The following MAST2 variants were observed in gnomAD, a reference collection of about 807,000 sequenced individuals.
MAST2 encodes microtubule-associated serine/threonine-protein kinase 2.
MAST2 carries 70 observed loss-of-function variants against 147.4 expected under a neutral mutation model. The ratio of observed to expected loss-of-function variants is 0.47; its 90% CI spans 0.39 to 0.58. The LOEUF is 0.58. MAST2 is among the 20% of genes least tolerant of loss of function. The pLI is 0.00. For synonymous variants in MAST2, 869 were observed against 896.8 expected (o/e 0.97, Z 0.55); for missense variants, 2,080 against 2,302.3 (o/e 0.90, Z 1.98).
chr1:45,866,074 T>C (rs1394116507), intron 3 of MAST2, among the ~76,000 whole-genome samples: 1 of 152,228 alleles, frequency 6.6e-6, no homozygotes, highest in Non-Finnish European at 1.5e-5. Flanking sequence ...TTAACATTAT[T>C]TTAGTTTCTT....
chr1:45,953,252 A>G (rs541474653), intron 4 of MAST2, among the ~76,000 whole-genome samples: 177 of 152,278 alleles, frequency 1.2e-3, no homozygotes, highest in Non-Finnish European at 2.0e-3. Flanking sequence ...TGATTAATTC[A>G]AGGAGAGTTG....
chr1:45,927,672 A>C (rs1654616172), intron 4 of MAST2, among the ~76,000 whole-genome samples: 1 of 152,124 alleles, frequency 6.6e-6, no homozygotes, highest in African/African-American at 2.4e-5. Flanking sequence ...GCTCAAACAC[A>C]TGCTGTATAA....
At chr1:45,836,548 A>G (rs1231680768) in intron 3 of MAST2, among the ~76,000 whole-genome samples, 1 of 152,114 alleles carries the variant, frequency 6.6e-6, no homozygotes. Context: ...AAACCCATAG[A>G]CGTTTGTTTT....
chr1:45,872,843 A>G (rs1470980381), intron 3 of MAST2, among the ~76,000 whole-genome samples: 2 of 152,194 alleles, frequency 1.3e-5, no homozygotes, highest in Admixed American at 6.5e-5. Context: ...GGACAATGAA[A>G]GAGAGTGACT....
chr1:45,939,985 T>TTTTTTTTG (rs1656955094), intron 4 of MAST2, among the ~76,000 whole-genome samples: 3 of 127,914 alleles, frequency 2.3e-5, no homozygotes, highest in Non-Finnish European at 4.9e-5. Context: ...TTAGGGTTTT[T>TTTTTTTTG]TTTTTTTTTT....
intron 4 of MAST2, among the ~76,000 whole-genome samples, chr1:45,913,082 G>A (rs894398709): frequency 6.6e-6 from 1 of 152,098 alleles, no homozygotes; most frequent in Non-Finnish European, 1.5e-5. Flanking sequence ...CTTTCCTTAT[G>A]GCTTTTCTTA....
intron 4 of MAST2, among the ~76,000 whole-genome samples, chr1:45,929,391 AGTT>A (rs1467115188): frequency 1.3e-5 from 2 of 151,110 alleles, no homozygotes; most frequent in Non-Finnish European, 2.9e-5. Context: ...GCAGGGGGGG[AGTT>A]GTTGGTGGTG....
At chr1:45,805,527 C>T (rs1036108037) in intron 1 of MAST2, among the ~76,000 whole-genome samples, 1 of 152,190 alleles carries the variant, frequency 6.6e-6, no homozygotes, top group African/African-American at 2.4e-5. Flanking sequence ...ACATTCTCTG[C>T]AGTATCATCT....
chr1:45,848,739 A>G (rs865878595), intron 3 of MAST2, among the ~76,000 whole-genome samples: 2 of 152,312 alleles, frequency 1.3e-5, no homozygotes, highest in South Asian at 4.1e-4. Flanking sequence ...CGGAGTAATC[A>G]GGCAAGAGAA....
chr1:45,971,970 C>G (rs1643929897), intron 5 of MAST2, among the ~76,000 whole-genome samples: 1 of 152,102 alleles, frequency 6.6e-6, no homozygotes, highest in Non-Finnish European at 1.5e-5. Context: ...CATGAGTATT[C>G]TGGAACTAAG....
intron 4 of MAST2, among the ~76,000 whole-genome samples, chr1:45,919,311 C>T (rs1283353547): frequency 1.3e-5 from 2 of 150,802 alleles, no homozygotes; most frequent in Non-Finnish European, 2.9e-5. Flanking sequence ...GAGGTTGGGG[C>T]GATAGTGAGG....
At chr1:46,000,867 A>G (rs966795900) in intron 6 of MAST2, 1 of 879,396 alleles carries the variant, frequency 1.1e-6, no homozygotes, top group Non-Finnish European at 1.6e-6. Context: ...AACAGAAGGA[A>G]TGTGCCAAGC....
At position 46,010,786 on chromosome 1, in the gene MAST2, C is replaced by G. The variant is rs1050095400; in HGVS notation, c.1035C>G (p.Asp345Glu). ...AGTTTATTTCCTCCAACACTCCAGACAGCGTGCTGCCCTTGGCAGATGGAG... is the reference window on the plus strand; with the variant it reads ...AGTTTATTTCCTCCAACACTCCAGAGAGCGTGCTGCCCTTGGCAGATGGAG... ...LAEFISSNTP[D>E]SVLPLADGAL... Residue 345 changes from aspartate (D) to glutamate (E), a missense_variant, in exon 10 of 29, where the codon GAC (aspartate) becomes GAG (glutamate). Asp to Glu is a conservative substitution (Grantham distance 45, BLOSUM62 2). Around this residue, in one of 4 missense-constraint regions of MAST2, gnomAD observed 569 missense variants for 642.5 expected, o/e 0.89. Coordinates refer to ENST00000361297, the MANE Select transcript of MAST2 (RefSeq NM_015112.3). The G allele has an allele frequency of 1.2e-6, 2 of 1,614,088 alleles. No homozygotes were observed. The highest frequency in any genetic ancestry group is 1.7e-5 in the Admixed American group (1 of 60,008).
intron 5 of MAST2, among the ~76,000 whole-genome samples, chr1:45,988,758 T>A (rs564277386): frequency 1.2e-4 from 18 of 152,376 alleles, no homozygotes; most frequent in Admixed American, 3.9e-4. Flanking sequence ...TGTTCCGTTT[T>A]GGCCATCAAG....
chr1:46,000,877 C>A, intron 6 of MAST2: 1 of 1,056,838 alleles, frequency 9.5e-7, no homozygotes, highest in Non-Finnish European at 1.3e-6. Context: ...ATGTGCCAAG[C>A]TAGACCAAAT....
chr1:45,969,376 G>A (rs1052532516), intron 5 of MAST2, among the ~76,000 whole-genome samples: 1 of 152,164 alleles, frequency 6.6e-6, no homozygotes, highest in African/African-American at 2.4e-5. Context: ...CCTGGGCCAC[G>A]GACCGGTACT....
chr1:45,880,216 A>G (rs1334608094), intron 3 of MAST2, among the ~76,000 whole-genome samples: 4 of 152,338 alleles, frequency 2.6e-5, no homozygotes, highest in Middle Eastern at 3.4e-3. Context: ...TAACTGGGGT[A>G]TATTATTCAT....
chr1:46,023,508 A>C lies in MAST2; in HGVS notation c.1571+190A>C, dbSNP rs1456568816. The C allele has an allele frequency of 1.6e-6, 1 of 633,710 alleles. No individual in the cohort carries two copies. Among genetic ancestry groups the C allele is most frequent in the Non-Finnish European group, 2.8e-6 (1 of 356,942 alleles). 39.3% of individuals were successfully genotyped at this position (633,710 alleles called of 1,614,324 possible). A position where few individuals can be genotyped will look rare whatever the true frequency, so the allele number is the denominator to read the frequency against. On this transcript the variant is annotated intron_variant, in intron 14 of 28. Transcript: ENST00000361297. This position sits in a 1 kb window ranked among gnomAD's most constrained non-coding sequence, Gnocchi z 4.9. ...TCCGATCATTGTTCCTTTCCCAGAC[A>C]AGATTCCCACGCCTCTTACTACCAC...
chr1:45,983,208 C>T (rs1047434693), intron 5 of MAST2, among the ~76,000 whole-genome samples: 13 of 151,974 alleles, frequency 8.6e-5, no homozygotes, highest in Non-Finnish European at 1.0e-4. Flanking sequence ...AATAAATGAA[C>T]CTTAAAAATT....
Sources: allele counts gnomAD v4.1 joint callset (sites outside exome capture counted in the v4.1 genomes callset), GRCh38; gene constraint gnomAD v4.1.1; regional missense constraint gnomAD v4.1.1; non-coding constraint Gnocchi (gnomAD v3.1); transcripts MANE v1.5; gene names NCBI Gene and HGNC (gene_info 2026-07-23, HGNC 2026-07-21).